The following GMPS variants were observed in gnomAD, a reference collection of about 807,000 sequenced individuals.
GMPS encodes the protein guanosine monophosphate synthase, also known as GMP synthase [glutamine-hydrolyzing].
GMPS carries 15 observed loss-of-function variants against 77.9 expected under a neutral mutation model. The observed-to-expected ratio is 0.19, with a 90% CI of 0.13 to 0.30. The LOEUF (loss-of-function observed/expected upper bound fraction) is 0.30. Among genes scored for constraint, GMPS ranks in the 10% least tolerant of loss-of-function variants. The pLI, the probability that GMPS is intolerant of heterozygous loss-of-function variation, is 1.00. For missense variants in GMPS, 590 were observed against 838.8 expected, an observed-to-expected ratio of 0.70 and a Z score of 3.66; for synonymous variants, 224 against 275.9, an observed-to-expected ratio of 0.81 and a Z score of 1.86.
At chr3:155,889,253 C>T (rs1038516961) in intron 1 of GMPS, among the ~76,000 whole-genome samples, 1 of 152,126 alleles carries the variant, frequency 6.6e-6, no homozygotes, top group Non-Finnish European at 1.5e-5. Flanking sequence ...CTCCCTTTTT[C>T]CTGTCCTGTT....
upstream of GMPS, chr3:155,870,597 C>T: frequency 2.5e-6 from 1 of 402,890 alleles, no homozygotes; most frequent in East Asian, 3.8e-5. Context: ...CCAAGCCGAA[C>T]GGGCTCTGGC....
At chr3:155,890,285 GTTTAC>G (rs900783500) in intron 1 of GMPS, among the ~76,000 whole-genome samples, 67 of 152,290 alleles carry the variant, frequency 4.4e-4, no homozygotes, top group African/African-American at 1.6e-3. Context: ...GTAAAGATTA[GTTTAC>G]TTAAATAAAT....
At chr3:155,899,575 C>T (rs1754684739) in intron 3 of GMPS, among the ~76,000 whole-genome samples, 1 of 152,118 alleles carries the variant, frequency 6.6e-6, no homozygotes, top group Admixed American at 6.5e-5. Flanking sequence ...CAGAGTGATA[C>T]ATTTGATATA....
intron 1 of GMPS, among the ~76,000 whole-genome samples, chr3:155,886,607 A>T (rs1577503454): frequency 1.7e-5 from 2 of 114,964 alleles, no homozygotes; most frequent in African/African-American, 3.1e-5. Context: ...TCTATTCCTG[A>T]TGACTTTTTT....
Position 155,943,606 on chromosome 3 carries a change from T to C in GMPS, c.*5914T>C, listed in dbSNP as rs2108165539. 5.6e-6 allele frequency: 1 copy of C among 178,696 alleles called. No individual in the cohort carries two copies. Among genetic ancestry groups the C allele is most frequent in the Non-Finnish European group, 1.2e-5 (1 of 83,162 alleles). The allele number at this position is 178,696 out of a possible 1,614,324, so 11.1% of individuals were successfully genotyped here. On this transcript the variant is annotated 3_prime_UTR_variant, in exon 16 of 16. Transcript: ENST00000496455. ...TATTGTTATGAAATCACTGTGTAAT[T>C]GTTAATTGTAAACTGCAATGTCTAT...
At chr3:155,889,297 A>G (rs1171711688) in intron 1 of GMPS, among the ~76,000 whole-genome samples, 1 of 152,060 alleles carries the variant, frequency 6.6e-6, no homozygotes, top group Admixed American at 6.6e-5. Context: ...GGCTCTTCAT[A>G]GCAGGCCCTC....
chr3:155,883,979 G>A (rs548449883), intron 1 of GMPS, among the ~76,000 whole-genome samples: 1 of 152,012 alleles, frequency 6.6e-6, no homozygotes, highest in Non-Finnish European at 1.5e-5. Context: ...CCTACGCAAA[G>A]ATAACCTTGT....
chr3:155,899,479 C>T (rs1312180906), intron 3 of GMPS, among the ~76,000 whole-genome samples: 1 of 149,480 alleles, frequency 6.7e-6, no homozygotes, highest in Non-Finnish European at 1.5e-5. Context: ...TTTAGGTTCA[C>T]AGCAAAATTA....
chr3:155,939,544 G>A lies in GMPS; in HGVS notation c.*1852G>A, dbSNP rs999595227. 1 of 203,536 alleles carries A rather than the reference G, an allele frequency of 4.9e-6. No homozygotes were observed. The highest frequency in any genetic ancestry group is 1.0e-5 in the Non-Finnish European group (1 of 99,338). 12.6% of individuals were successfully genotyped at this position (203,536 alleles called of 1,614,324 possible). A position where few individuals can be genotyped will look rare whatever the true frequency, so the allele number is the denominator to read the frequency against. ...CACTTGTCCTTTCCTGGAGATTCAT[G>A]GTATATAATATTCAAAGCTCTGAGA... On this transcript the variant is annotated 3_prime_UTR_variant, in exon 16 of 16. Transcript: ENST00000496455.
chr3:155,874,761 A>G (rs1753997976), intron 1 of GMPS, among the ~76,000 whole-genome samples: 1 of 152,286 alleles, frequency 6.6e-6, no homozygotes, highest in East Asian at 1.9e-4. Context: ...GACTTGTCTT[A>G]TACTTGTACA....
Position 155,873,980 on chromosome 3 carries a change from A to G in GMPS, c.27+3083A>G, listed in dbSNP as rs191016597. On this transcript the variant is annotated intron_variant, in intron 1 of 15. Transcript: ENST00000496455. The stretch of plus-strand genomic sequence containing the variant: ...TGATTTGTGAGATTTTGGTGCACCC[A>G]TCACCCGAACGGTATACACAACACC... Among the ~76,000 whole-genome samples, 167 of 152,182 alleles carry G rather than the reference A, an allele frequency of 1.1e-3. 1 individual carries two copies. Among genetic ancestry groups the G allele is most frequent in the Middle Eastern group, 6.8e-3 (2 of 294 alleles).
At chr3:155,874,201 C>T (rs1276902473) in intron 1 of GMPS, among the ~76,000 whole-genome samples, 1 of 152,066 alleles carries the variant, frequency 6.6e-6, no homozygotes, top group Admixed American at 6.5e-5. Context: ...CAGAGTAATG[C>T]TTTGGGTGAC....
intron 6 of GMPS, 42 bp downstream of exon 6, chr3:155,910,927 TAA>T: frequency 7.3e-7 from 1 of 1,361,188 alleles, no homozygotes; most frequent in Admixed American, 2.1e-5. Context: ...TTTATATCAA[TAA>T]TATTGGAATC....
intron 8 of GMPS, among the ~76,000 whole-genome samples, chr3:155,914,958 G>A (rs546910324): frequency 1.3e-5 from 2 of 151,340 alleles, no homozygotes; most frequent in African/African-American, 2.4e-5. Flanking sequence ...TAGTAGAGAC[G>A]GGGGTTTCAC....
chr3:155,874,718 T>G (rs936654170), intron 1 of GMPS, among the ~76,000 whole-genome samples: 1 of 152,104 alleles, frequency 6.6e-6, no homozygotes, highest in African/African-American at 2.4e-5. Flanking sequence ...AGGAAAATAA[T>G]TCAGTCTTTT....
chr3:155,891,278 AT>A (rs1260271046), intron 1 of GMPS, among the ~76,000 whole-genome samples: 2 of 152,244 alleles, frequency 1.3e-5, no homozygotes, highest in Non-Finnish European at 2.9e-5. Context: ...GCATACTTAG[AT>A]TTGGTAAAAA....
chr3:155,888,542 C>T (rs1016701403), intron 1 of GMPS, among the ~76,000 whole-genome samples: 7 of 151,700 alleles, frequency 4.6e-5, no homozygotes, highest in Non-Finnish European at 1.0e-4. Flanking sequence ...TCACCTCTGC[C>T]TCCCGAGTAG....
intron 12 of GMPS, among the ~76,000 whole-genome samples, chr3:155,928,339 T>G (rs963737634): frequency 3.3e-5 from 5 of 152,062 alleles, no homozygotes; most frequent in African/African-American, 1.2e-4. Flanking sequence ...ATTTTACACT[T>G]TTATAGATGC....
intron 3 of GMPS, among the ~76,000 whole-genome samples, chr3:155,902,739 G>A (rs532891606): frequency 6.6e-6 from 1 of 152,318 alleles, no homozygotes; most frequent in South Asian, 2.1e-4. Context: ...GCTAACATTG[G>A]TAGGTCTCTA....
Sources: allele counts gnomAD v4.1 joint callset (sites outside exome capture counted in the v4.1 genomes callset), GRCh38; gene constraint gnomAD v4.1.1; transcripts MANE v1.5; gene names NCBI Gene and HGNC (gene_info 2026-07-23, HGNC 2026-07-21).